The following SLC5A4 variants were observed in gnomAD, a reference collection of about 807,000 sequenced individuals.
The protein encoded by SLC5A4 is solute carrier family 5 member 4.
A neutral mutation model predicts 70.3 loss-of-function variants in SLC5A4; 55 were observed. The ratio of observed to expected loss-of-function variants is 0.78; its 90% confidence interval spans 0.63 to 0.98. The LOEUF (loss-of-function observed/expected upper bound fraction) is 0.98, where lower values mean the gene tolerates loss of function less well. SLC5A4 is among the 50% of genes least tolerant of loss of function. The pLI is 0.00. For synonymous variants in SLC5A4, 268 were observed against 305.7 expected, an observed-to-expected ratio of 0.88 and a Z score of 1.29; for missense variants, 735 against 839.2, an observed-to-expected ratio of 0.88 and a Z score of 1.53.
chr22:32,332,044 G>A, the SLC5A4 span, among the ~76,000 whole-genome samples: 1 of 151,824 alleles, frequency 6.6e-6, no homozygotes, highest in Non-Finnish European at 1.5e-5. Context: ...CCCACCCCAG[G>A]CCCTGGCCAA....
At chr22:32,237,364 G>C (rs1173871201) in intron 6 of SLC5A4, 40 bp from the exon 7 acceptor site, 1 of 1,368,464 alleles carries the variant, frequency 7.3e-7, no homozygotes, top group Non-Finnish European at 1.0e-6. Flanking sequence ...TTTTATCCAT[G>C]TGTCCTCATG....
At chr22:32,320,894 CCTCT>C in the SLC5A4 span, among the ~76,000 whole-genome samples, 8,149 of 152,286 alleles carry the variant, frequency 0.054, 371 homozygotes, top group Admixed American at 0.15. Flanking sequence ...GATCCGGCAA[CCTCT>C]CTCTGTGTAC....
At chr22:32,340,296 T>C in the SLC5A4 span, among the ~76,000 whole-genome samples, 1 of 152,214 alleles carries the variant, frequency 6.6e-6, no homozygotes, top group African/African-American at 2.4e-5. Context: ...TGCAGTTCAT[T>C]GATCGGACAC....
the SLC5A4 span, among the ~76,000 whole-genome samples, chr22:32,321,234 T>C: frequency 6.6e-6 from 1 of 152,240 alleles, no homozygotes; most frequent in South Asian, 2.1e-4. Context: ...TGCGGTGAGC[T>C]GAGATCGTGC....
the SLC5A4 span, among the ~76,000 whole-genome samples, chr22:32,306,845 C>T: frequency 0.33 from 50,647 of 151,978 alleles, 8,591 homozygotes; most frequent in Admixed American, 0.42. Context: ...AGCTTTAAAA[C>T]GGGAAATGGG....
the SLC5A4 span, among the ~76,000 whole-genome samples, chr22:32,282,191 C>T: frequency 2.0e-5 from 3 of 152,066 alleles, no homozygotes; most frequent in Non-Finnish European, 2.9e-5. Flanking sequence ...TTTGTAGGAG[C>T]GAAACTCCTC....
rs1318214549 is a variant in SLC5A4, at chr22:32,229,252, C to G, written c.1222G>C (p.Asp408His). ...FNSASTLFTI[D>H]LYTKMRKQAS... ...TGCTTCCGCATCTTGGTGTAGAGGT[C>G]AATGGTGAAGAGGGTGCTGGCGCTG... The change falls in exon 11 of 15, where the codon GAC (aspartate) becomes CAC (histidine). Residue 408 changes from aspartate (D) to histidine (H), a missense_variant. By Grantham distance (81) the Asp-to-His change is moderately conservative (BLOSUM62 -1). Coordinates refer to ENST00000266086, the MANE Select transcript of SLC5A4 (RefSeq NM_014227.3). 4.3e-6 allele frequency: 7 copies of G among 1,614,056 alleles called. No homozygotes were observed. The highest frequency in any genetic ancestry group is 5.9e-6 in the Non-Finnish European group (7 of 1,180,012).
chr22:32,307,933 AC>A, the SLC5A4 span, among the ~76,000 whole-genome samples: 1 of 130,780 alleles, frequency 7.6e-6, no homozygotes, highest in Admixed American at 8.4e-5. Context: ...AGGGATTCTT[AC>A]ATGTTTCCAA....
chr22:32,254,084 A>G (rs896603734), intron 2 of SLC5A4, 58 bp downstream of exon 2: 19 of 1,347,620 alleles, frequency 1.4e-5, no homozygotes, highest in Non-Finnish European at 1.8e-5. Context: ...CCCAGCCTAC[A>G]TTCAGTTTTA....
At chr22:32,330,946 G>GC in the SLC5A4 span, among the ~76,000 whole-genome samples, 1 of 23,288 alleles carries the variant, frequency 4.3e-5, no homozygotes, top group Non-Finnish European at 8.6e-5. Flanking sequence ...TGTGTTGGAG[G>GC]CTCTGGTGTG....
chr22:32,241,803 GTATA>G (rs71720550), intron 5 of SLC5A4, among the ~76,000 whole-genome samples: 3 of 147,914 alleles, frequency 2.0e-5, no homozygotes, highest in South Asian at 2.1e-4. Context: ...GTGTGTGTGT[GTATA>G]TATATCTGTA....
At chr22:32,228,034 G>C (rs1469035541) in intron 11 of SLC5A4, among the ~76,000 whole-genome samples, 1 of 152,134 alleles carries the variant, frequency 6.6e-6, no homozygotes, top group Non-Finnish European at 1.5e-5. Flanking sequence ...AGTTGGAAAA[G>C]ACTAAGCTAT....
the SLC5A4 span, among the ~76,000 whole-genome samples, chr22:32,329,145 G>A: frequency 6.6e-6 from 1 of 152,188 alleles, no homozygotes; most frequent in Non-Finnish European, 1.5e-5. Context: ...GCTTTTTTCT[G>A]CTTCAGGGGA....
chr22:32,354,496 A>G, the SLC5A4 span, among the ~76,000 whole-genome samples: 1 of 151,762 alleles, frequency 6.6e-6, no homozygotes, highest in Non-Finnish European at 1.5e-5. Context: ...GTAGCACCCG[A>G]TAGCGCCCCC....
At chr22:32,330,216 C>T in the SLC5A4 span, among the ~76,000 whole-genome samples, 2 of 71,746 alleles carry the variant, frequency 2.8e-5, no homozygotes, top group South Asian at 5.7e-4. Context: ...GTGTGTATTG[C>T]GGGCTCTGGT....
the SLC5A4 span, among the ~76,000 whole-genome samples, chr22:32,325,948 A>G: frequency 6.6e-6 from 1 of 152,186 alleles, no homozygotes; most frequent in African/African-American, 2.4e-5. Context: ...GGCCCTAGTG[A>G]GAGAGGAGCT....
chr22:32,312,035 C>T, the SLC5A4 span, among the ~76,000 whole-genome samples: 1 of 152,116 alleles, frequency 6.6e-6, no homozygotes, highest in Non-Finnish European at 1.5e-5. Flanking sequence ...TTAATCATAC[C>T]TGCCTCCCAC....
chr22:32,289,875 C>T, the SLC5A4 span, among the ~76,000 whole-genome samples: 2 of 152,212 alleles, frequency 1.3e-5, no homozygotes, highest in African/African-American at 2.4e-5. Flanking sequence ...GTGAGACTTA[C>T]TTTGTCAGGT....
At chr22:32,314,744 T>A in the SLC5A4 span, among the ~76,000 whole-genome samples, 2 of 152,182 alleles carry the variant, frequency 1.3e-5, no homozygotes, top group Non-Finnish European at 2.9e-5. Flanking sequence ...TCCACATGGC[T>A]GGGGAGGCCT....
Sources: allele counts gnomAD v4.1 joint callset (sites outside exome capture counted in the v4.1 genomes callset), GRCh38; gene constraint gnomAD v4.1.1; transcripts MANE v1.5; gene names NCBI Gene and HGNC (gene_info 2026-07-23, HGNC 2026-07-21).